GPR179: variants seen among roughly 807,000 people sequenced by gnomAD.
GPR179 encodes the protein probable G protein-coupled receptor 179.
Under a neutral mutation model 70.8 loss-of-function variants are expected in GPR179, and 52 were observed. The observed-to-expected ratio is 0.73, with a 90% CI of 0.59 to 0.93. The LOEUF (loss-of-function observed/expected upper bound fraction) is 0.93. Ranked by LOEUF, GPR179 falls within the 40% of genes least tolerant of loss-of-function variation. The pLI is 0.00. For synonymous variants in GPR179, 1,123 were observed against 1,169.0 expected (o/e 0.96, Z 0.80); for missense variants, 2,734 against 2,966.8 (o/e 0.92, Z 1.82).
chr17:38,327,466 G>T lies in GPR179; in HGVS notation c.6103C>A (p.Gln2035Lys). Residue 2035 changes from glutamine to lysine, a missense_variant, in exon 11 of 11, where the codon CAG becomes AAG. Gln to Lys is a moderately conservative substitution (Grantham distance 53, BLOSUM62 1). Coordinates refer to ENST00000616987, the MANE Select transcript of GPR179 (RefSeq NM_001004334.4). ...ERIPVKGVSR[Q>K]DGKGDSQEEK... ...TCTTGAGAGTCCCCTTTTCCATCCT[G>T]CCTTGACACCCCTTTGACAGGGATT... 1 of 1,614,182 alleles carries T rather than the reference G, an allele frequency of 6.2e-7. No homozygotes were observed.
rs1241144989 is a variant in GPR179, at chr17:38,329,781, T to C, written c.3788A>G (p.Glu1263Gly). The change falls in exon 11 of 11, where the codon GAA (glutamate) becomes GGA (glycine). Residue 1263 changes from glutamate (E) to glycine (G), a missense_variant. Glu to Gly is a moderately conservative substitution (Grantham distance 98). Transcript: ENST00000616987. ...TTCACTCGTCTCCCAGGGGCAGATT[T>C]CGGCCTTGTTGCCACTGTCTGGCTG... ...TRQPDSGNKA[E>G]ICPWETSEGA... 2.5e-6 allele frequency: 4 copies of C among 1,614,206 alleles called. No individual in the cohort carries two copies. In the South Asian group the frequency reaches 4.4e-5, roughly 18 times the overall value.
chr17:38,333,880 GC>G, intron 9 of GPR179, 52 bp downstream of exon 9: 13 of 1,370,898 alleles, frequency 9.5e-6, no homozygotes, highest in Non-Finnish European at 1.3e-5. Flanking sequence ...CTCCACAGTG[GC>G]CCTGACAGAG....
rs376816096 is a variant in GPR179, at chr17:38,326,781, C to A, written c.6788G>T (p.Arg2263Leu). 2 of 1,614,184 alleles carry A rather than the reference C, an allele frequency of 1.2e-6. No homozygotes were observed. The highest frequency in any genetic ancestry group is 1.1e-5 in the South Asian group (1 of 91,082). ...AGGAGCTGTGGGGAAAAATTCTCTC[C>A]GAGTTGCTGTTAAAGCCAGGAGGCC... Reference protein sequence around the residue: ...ESGLLALTATRREFFPTAPEK... With the variant: ...ESGLLALTATLREFFPTAPEK... Residue 2263 changes from arginine to leucine, a missense_variant, in exon 11 of 11, where the codon CGG becomes CTG. Physicochemically the swap from Arg to Leu is moderately radical, Grantham distance 102. Coordinates refer to ENST00000616987, the MANE Select transcript of GPR179 (RefSeq NM_001004334.4).
chr17:38,331,928 T>C (rs1010483279), intron 10 of GPR179, among the ~76,000 whole-genome samples: 2 of 152,104 alleles, frequency 1.3e-5, no homozygotes, highest in African/African-American at 4.8e-5. Context: ...GAGCATTATA[T>C]GAGATTGATG....
At position 38,330,487 on chromosome 17, in the gene GPR179, T is replaced by C. The variant is rs1252388785; in HGVS notation, c.3082A>G (p.Arg1028Gly). ...GHHSPAPARA[R>G]LWRALSVAVE... ...GCAACAGAGAGGGCCCTCCAGAGCCTGGCTCGAGCTGGGGCAGGGGAGTGG... is the reference window on the plus strand; with the variant it reads ...GCAACAGAGAGGGCCCTCCAGAGCCCGGCTCGAGCTGGGGCAGGGGAGTGG... Residue 1028 changes from arginine to glycine, a missense_variant, in exon 11 of 11, where the codon AGG becomes GGG. Transcript: ENST00000616987. The C allele has an allele frequency of 1.3e-6, 2 of 1,552,316 alleles. No individual in the cohort carries two copies. The highest frequency in any genetic ancestry group is 1.4e-5 in the African/African-American group (1 of 73,208).
Position 38,327,140 on chromosome 17 carries a change from C to G in GPR179, c.6429G>C (p.Gly2143=), listed in dbSNP as rs778952452. Residue 2143 remains glycine (G), a synonymous_variant, in exon 11 of 11, where the codon GGG becomes GGC. Transcript: ENST00000616987. ...WEAGGGAAEE[G]EQERESQGQG... is the part of the protein sequence containing the mutation. ...GCCCTTGTGATTCTCTTTCCTGTTC[C>G]CCTTCCTCTGCTGCTCCTCCACCCG... 1.2e-6 allele frequency: 2 copies of G among 1,614,258 alleles called. No homozygotes were observed. Among genetic ancestry groups the G allele is most frequent in the Non-Finnish European group, 1.7e-6 (2 of 1,180,044 alleles).
Position 38,327,924 on chromosome 17 carries a change from C to T in GPR179, c.5645G>A (p.Arg1882Lys). ...CTTGGGGGCCTGAGCAGGGGATTCC[C>T]TCAAGTCCTTGTTCTCCCAAATACA... ...TICIWENKDL[R>K]ESPAQAPKIS... is the part of the protein sequence containing the mutation. The change falls in exon 11 of 11, where the codon AGG (arginine) becomes AAG (lysine). Residue 1882 changes from arginine (R) to lysine (K), a missense_variant. Physicochemically the swap from Arg to Lys is conservative, Grantham distance 26 (BLOSUM62 2). Transcript: ENST00000616987. 1.2e-6 allele frequency: 2 copies of T among 1,614,184 alleles called. No homozygotes were observed. The highest frequency in any genetic ancestry group is 1.1e-5 in the South Asian group (1 of 91,084).
chr17:38,339,226 G>T (rs184952311), intron 2 of GPR179, 191 bp downstream of exon 2: 7 of 532,718 alleles, frequency 1.3e-5, no homozygotes, highest in East Asian at 1.3e-4. Flanking sequence ...GGGGTGGGGG[G>T]GCAGGCTGTA....
chr17:38,325,187 C>G lies in GPR179; in HGVS notation c.*1278G>C, dbSNP rs2037274381. On this transcript the variant is annotated 3_prime_UTR_variant, in exon 11 of 11. Transcript: ENST00000616987. ...TTCCCTCTGGTATTATCATCTAATCCCAGCAATTTGTAATCTAGTACTGCT... is the reference window on the plus strand; with the variant it reads ...TTCCCTCTGGTATTATCATCTAATCGCAGCAATTTGTAATCTAGTACTGCT... Among the ~76,000 whole-genome samples, 3 of 152,122 alleles carry G rather than the reference C, an allele frequency of 2.0e-5. No homozygotes were observed. Among genetic ancestry groups the G allele is most frequent in the African/African-American group, 7.2e-5 (3 of 41,428 alleles).
chr17:38,341,078 G>A (rs985857436), intron 1 of GPR179, among the ~76,000 whole-genome samples: 7 of 152,172 alleles, frequency 4.6e-5, no homozygotes, highest in Non-Finnish European at 8.8e-5. Context: ...CACTAGATCT[G>A]GGGACAATGC....
At position 38,328,453 on chromosome 17, in the gene GPR179, G is replaced by A. The variant is rs1326436799; in HGVS notation, c.5116C>T (p.Pro1706Ser). The change falls in exon 11 of 11, where the codon CCC (proline) becomes TCC (serine). Residue 1706 changes from proline (P) to serine (S), a missense_variant. Physicochemically the swap from Pro to Ser is moderately conservative, Grantham distance 74 (BLOSUM62 -1). Transcript: ENST00000616987. Reference sequence around the variant, plus strand: ...CCTGCTCCAGCACCCACCTCCCAGGGACAGATTTCTGCCTTCCCAGCAGTC... The same window carrying A: ...CCTGCTCCAGCACCCACCTCCCAGGAACAGATTTCTGCCTTCCCAGCAGTC... Reference protein sequence around the residue: ...NLTAGKAEICPWEVGAGAGEE... With the variant: ...NLTAGKAEICSWEVGAGAGEE... 1 of 1,614,194 alleles carries A rather than the reference G, an allele frequency of 6.2e-7. No individual in the cohort carries two copies. The highest frequency in any genetic ancestry group is 8.5e-7 in the Non-Finnish European group (1 of 1,180,030).
At position 38,343,699 on chromosome 17, in the gene GPR179, G is replaced by A; in HGVS notation, c.91C>T (p.Pro31Ser). The part of the protein sequence containing the change: ...VCAWALGGPR[P>S]IRSLPPLSSQ... ...GACAGAGGGGGCAGAGAGCGGATGG[G>A]CCGTGGACCCCCCAGAGCCCAGGCA... is the stretch of plus-strand genomic sequence containing the variant. The change falls in exon 1 of 11, where the codon CCC (proline) becomes TCC (serine). Residue 31 changes from proline (P) to serine (S), a missense_variant. Transcript: ENST00000616987. This position sits in a 1 kb window ranked among gnomAD's most constrained non-coding sequence, Gnocchi z 4.2. The A allele has an allele frequency of 9.4e-6, 15 of 1,602,102 alleles. No homozygotes were observed. Among genetic ancestry groups the A allele is most frequent in the Non-Finnish European group, 1.3e-5 (15 of 1,172,640 alleles).
rs1442806961 is a variant in GPR179 at position 38,330,632 on chromosome 17, G to T, written c.2937C>A (p.Val979=). ...APTPAPALAP[V]PVSPQSPNLL... is the part of the protein sequence containing the mutation. ...AGTTGGGGCTTTGTGGGGATACTGG[G>T]ACTGGTGCCAGGGCAGGGGCTGGGG... The change falls in exon 11 of 11, where the codon GTC becomes GTA. Residue 979 remains valine, a synonymous_variant. Transcript: ENST00000616987. 1 of 1,587,812 alleles carries T rather than the reference G, an allele frequency of 6.3e-7. No homozygotes were observed. Among genetic ancestry groups the T allele is most frequent in the Non-Finnish European group, 8.6e-7 (1 of 1,166,138 alleles).
chr17:38,326,551 A>T lies in GPR179; in HGVS notation c.7018T>A (p.Leu2340Ile), dbSNP rs996548292. 2.5e-6 allele frequency: 4 copies of T among 1,614,184 alleles called. No homozygotes were observed. The highest frequency in any genetic ancestry group is 1.7e-5 in the Admixed American group (1 of 60,030). The change falls in exon 11 of 11, where the codon TTA becomes ATA. Residue 2340 changes from leucine (L) to isoleucine (I), a missense_variant. Coordinates refer to ENST00000616987, the MANE Select transcript of GPR179 (RefSeq NM_001004334.4). Reference sequence around the variant, plus strand: ...GCCACTTGGCCTGAGTCTTCAGTTAAGGACGAAGACTGAGACTCAGCTTCC... The same window carrying T: ...GCCACTTGGCCTGAGTCTTCAGTTATGGACGAAGACTGAGACTCAGCTTCC... Reference protein sequence around the residue: ...LQEAESQSSSLTEDSGQVAFE... With the variant: ...LQEAESQSSSITEDSGQVAFE...
chr17:38,335,600 T>C lies in GPR179; in HGVS notation c.1397A>G (p.Lys466Arg), dbSNP rs1303611132. Residue 466 changes from lysine (K) to arginine (R), a missense_variant, in exon 6 of 11, where the codon AAG becomes AGG. Lys to Arg is a conservative substitution (Grantham distance 26). Coordinates refer to ENST00000616987, the MANE Select transcript of GPR179 (RefSeq NM_001004334.4). ...FAIVYGTIIL[K>R]LYRVLQLFLS... ...CTGCCCCAGGCCGTACCTGTAAAGC[T>C]TGAGTATGATGGTGCCGTAGACGAT... is the stretch of plus-strand genomic sequence containing the variant. 1.2e-6 allele frequency: 2 copies of C among 1,611,964 alleles called. No individual in the cohort carries two copies. The highest frequency in any genetic ancestry group is 2.2e-5 in the East Asian group (1 of 44,882).
Position 38,331,342 on chromosome 17 carries a change from G to A in GPR179, c.2227C>T (p.His743Tyr). ...QHSRDSGSPGHGSLPGSSRRR... is the reference protein window; with the variant it reads ...QHSRDSGSPGYGSLPGSSRRR... The stretch of plus-strand genomic sequence containing the variant: ...CGGGAGGAGCCGGGCAGGCTGCCGT[G>A]GCCTGGGGATCCTGAGTCCCGGGAG... The change falls in exon 11 of 11, where the codon CAC (histidine) becomes TAC (tyrosine). Residue 743 changes from histidine to tyrosine, a missense_variant. Physicochemically the swap from His to Tyr is moderately conservative, Grantham distance 83 (BLOSUM62 2). Transcript: ENST00000616987. The A allele has an allele frequency of 1.2e-6, 2 of 1,611,752 alleles. No homozygotes were observed. Among genetic ancestry groups the A allele is most frequent in the Non-Finnish European group, 1.7e-6 (2 of 1,179,332 alleles).
At position 38,326,210 on chromosome 17, in the gene GPR179, G is replaced by A. The variant is rs2037284034; in HGVS notation, c.*255C>T. ...TGTAGGTGGATGGGAGGCGTCCTTAGAAGTAGAGTGTCCAGTCTTTGTTTC... is the reference window on the plus strand; with the variant it reads ...TGTAGGTGGATGGGAGGCGTCCTTAAAAGTAGAGTGTCCAGTCTTTGTTTC... On this transcript the variant is annotated 3_prime_UTR_variant, in exon 11 of 11. Coordinates refer to ENST00000616987, the MANE Select transcript of GPR179 (RefSeq NM_001004334.4). 1 of 462,904 alleles carries A rather than the reference G, an allele frequency of 2.2e-6. No individual in the cohort carries two copies. Among genetic ancestry groups the A allele is most frequent in the Non-Finnish European group, 3.8e-6 (1 of 263,652 alleles). The allele number at this position is 462,904 out of a possible 1,614,324, so 28.7% of individuals were successfully genotyped here.
rs761033672 is a variant in GPR179, at chr17:38,330,157, C to T, written c.3412G>A (p.Val1138Met). 1 of 1,583,126 alleles carries T rather than the reference C, an allele frequency of 6.3e-7. No homozygotes were observed. Among genetic ancestry groups the T allele is most frequent in the Non-Finnish European group, 8.6e-7 (1 of 1,163,824 alleles). The change falls in exon 11 of 11, where the codon GTG (valine) becomes ATG (methionine). Residue 1138 changes from valine to methionine, a missense_variant. Physicochemically the swap from Val to Met is conservative, Grantham distance 21. Transcript: ENST00000616987. ...RSPRLGRPKA[V>M]SKQAALIPSD... ...GGGATAAGAGCGGCCTGCTTACTCA[C>T]CGCCTTGGGCCGGCCTAGCCTGGGC...
chr17:38,327,729 C>G lies in GPR179; in HGVS notation c.5840G>C (p.Gly1947Ala), dbSNP rs1309548406. 1 of 1,614,052 alleles carries G rather than the reference C, an allele frequency of 6.2e-7. No individual in the cohort carries two copies. Among genetic ancestry groups the G allele is most frequent in the Non-Finnish European group, 8.5e-7 (1 of 1,180,040 alleles). Residue 1947 changes from glycine (G) to alanine (A), a missense_variant, in exon 11 of 11, where the codon GGG becomes GCG. Gly to Ala is a moderately conservative substitution (Grantham distance 60). Coordinates refer to ENST00000616987, the MANE Select transcript of GPR179 (RefSeq NM_001004334.4). ...TTGTAGCTCATGGCTTGTTTTTTCCCCATCTTCAGTAGTGAATTCTTCTGT... is the reference window on the plus strand; with the variant it reads ...TTGTAGCTCATGGCTTGTTTTTTCCGCATCTTCAGTAGTGAATTCTTCTGT... ...ADTEEFTTED[G>A]EKTSHELQSV...
Sources: allele counts gnomAD v4.1 joint callset (sites outside exome capture counted in the v4.1 genomes callset), GRCh38; gene constraint gnomAD v4.1.1; non-coding constraint Gnocchi (gnomAD v3.1); transcripts MANE v1.5; gene names NCBI Gene and HGNC (gene_info 2026-07-23, HGNC 2026-07-21).